The following MLX variants were observed in gnomAD, a reference collection of about 807,000 sequenced individuals.
The protein encoded by MLX is MAX dimerization protein MLX.
MLX carries 15 observed loss-of-function variants against 33.0 expected under a neutral mutation model. That is an observed-to-expected ratio of 0.45 (90% CI 0.30 to 0.70). The LOEUF (loss-of-function observed/expected upper bound fraction) is 0.70, where lower values mean the gene tolerates loss of function less well. Ranked by LOEUF, MLX falls within the 30% of genes least tolerant of loss-of-function variation. MLX has a pLI of 0.07. For missense variants in MLX, 285 were observed against 306.3 expected (o/e 0.93, Z 0.52); for synonymous variants, 115 against 115.6 (o/e 0.99, Z 0.03).
At position 42,567,858 on chromosome 17, in the gene MLX, G is replaced by A. The variant is rs1050818717; in HGVS notation, c.79+203G>A. On this transcript the variant is annotated intron_variant, in intron 2 of 7. Coordinates refer to ENST00000435881, the MANE Select transcript of MLX (RefSeq NM_198204.2). ...CCCTCTGCTCTGGAACAGGGAAGTG[G>A]TGGAACTGATCACTCACCACTCAGT... is the stretch of plus-strand genomic sequence containing the variant. 1.2e-5 allele frequency: 8 copies of A among 643,312 alleles called. No individual in the cohort carries two copies. In the African/African-American group the frequency reaches 1.5e-4, roughly 12 times the overall value. 39.9% of individuals were successfully genotyped at this position (643,312 alleles called of 1,614,324 possible).
Position 42,569,197 on chromosome 17 carries a change from T to A in MLX, c.277-7T>A. 1 of 1,613,444 alleles carries A rather than the reference T, an allele frequency of 6.2e-7. No homozygotes were observed. The highest frequency in any genetic ancestry group is 8.5e-7 in the Non-Finnish European group (1 of 1,179,530). On this transcript the variant is annotated splice_region_variant and splice_polypyrimidine_tract_variant and intron_variant, in intron 4 of 7. Transcript: ENST00000435881. ...TAAAGAACCCATTTCCCCTGCTGTT[T>A]CCACAGAGAGGCTATGATGACCTTC...
chr17:42,572,075 G>GC lies in MLX; in HGVS notation c.*472_*473insC, dbSNP rs2093035906. The GC allele has an allele frequency of 3.9e-6, 1 of 259,466 alleles. No individual in the cohort carries two copies. The highest frequency in any genetic ancestry group is 2.3e-5 in the African/African-American group (1 of 43,988). The allele number at this position is 259,466 out of a possible 1,614,324, so 16.1% of individuals were successfully genotyped here. ...GCTGTATGGGAGAAAAAGAGTAAGAGGAAATATTCCCACAGCCATGAAGGG... is the reference window on the plus strand; with the variant it reads ...GCTGTATGGGAGAAAAAGAGTAAGAGCGAAATATTCCCACAGCCATGAAGGG... On this transcript the variant is annotated 3_prime_UTR_variant, in exon 8 of 8. Coordinates refer to ENST00000435881, the MANE Select transcript of MLX (RefSeq NM_198204.2).
chr17:42,568,841 T>A lies in MLX; in HGVS notation c.174T>A (p.Asp58Glu). ...TSASSVPNTD[D>E]EDSDYHQEAY... ...TGCCCCCATCTCTGAGCGTAGATGA[T>A]GAGGACAGTGATTACCACCAGGAGG... Residue 58 changes from aspartate (D) to glutamate (E), a missense_variant, in exon 4 of 8, where the codon GAT becomes GAA. Transcript: ENST00000435881. The A allele has an allele frequency of 6.2e-7, 1 of 1,607,148 alleles. No individual in the cohort carries two copies. The highest frequency in any genetic ancestry group is 8.5e-7 in the Non-Finnish European group (1 of 1,176,420).
chr17:42,569,273 A>G lies in MLX; in HGVS notation c.346A>G (p.Lys116Glu). The G allele has an allele frequency of 6.2e-7, 1 of 1,614,162 alleles. No individual in the cohort carries two copies. The highest frequency in any genetic ancestry group is 8.5e-7 in the Non-Finnish European group (1 of 1,180,018). ...GCAGGACTTCTCCATTGGCTCCCAA[A>G]AGCTCAGCAAAGCCATCGTTCTACA... is the stretch of plus-strand genomic sequence containing the variant. ...QQQDFSIGSQ[K>E]LSKAIVLQKT... Residue 116 changes from lysine (K) to glutamate (E), a missense_variant, in exon 5 of 8, where the codon AAG (lysine) becomes GAG (glutamate). Transcript: ENST00000435881.
chr17:42,567,566 C>T (rs1018493495), intron 1 of MLX, 53 bp from the exon 2 acceptor site: 1 of 1,610,766 alleles, frequency 6.2e-7, no homozygotes, highest in Non-Finnish European at 8.5e-7. Context: ...GGAAGGGGCG[C>T]CTCCCCCTAG....
At chr17:42,569,892 C>A in intron 6 of MLX, 90 bp from the exon 7 acceptor site, 1 of 1,273,964 alleles carries the variant, frequency 7.8e-7, no homozygotes, top group South Asian at 1.2e-5. Context: ...CTGGGGCTGC[C>A]ATTCCTGGGA....
intron 7 of MLX, 79 bp from the exon 8 acceptor site, chr17:42,571,468 C>A: frequency 1.4e-6 from 2 of 1,470,342 alleles, no homozygotes; most frequent in Non-Finnish European, 1.9e-6. Flanking sequence ...AAGTACATGG[C>A]TGATCTAGGC....
Position 42,571,648 on chromosome 17 carries a change from A to T in MLX, c.*45A>T. The T allele has an allele frequency of 6.3e-7, 1 of 1,588,806 alleles. No individual in the cohort carries two copies. Among genetic ancestry groups the T allele is most frequent in the South Asian group, 1.1e-5 (1 of 90,528 alleles). ...AGAACAGCCAACAAGAGGCCCTTGA[A>T]TCTCTACGTGGCCACTGAACTGCTG... On this transcript the variant is annotated 3_prime_UTR_variant, in exon 8 of 8. Transcript: ENST00000435881.
chr17:42,571,474 T>C (rs947665800), intron 7 of MLX, 73 bp from the exon 8 acceptor site: 40 of 1,503,436 alleles, frequency 2.7e-5, no homozygotes, highest in Non-Finnish European at 3.6e-5. Flanking sequence ...ATGGCTGATC[T>C]AGGCAGGCAT....
At position 42,569,669 on chromosome 17, in the gene MLX, C is replaced by T. The variant is rs1003302885; in HGVS notation, c.476+63C>T. 5 of 1,301,070 alleles carry T rather than the reference C, an allele frequency of 3.8e-6. No homozygotes were observed. In the African/African-American group the frequency reaches 5.8e-5, roughly 15 times the overall value. 80.6% of individuals were successfully genotyped at this position (1,301,070 alleles called of 1,614,324 possible). A position where few individuals can be genotyped will look rare whatever the true frequency, so the allele number is the denominator to read the frequency against. On this transcript the variant is annotated intron_variant, in intron 6 of 7. Transcript: ENST00000435881. ...GAGGCAACTTCATTGCACACCCTCC[C>T]TTGTTCAAAGGCCACATCAGTTACT...
chr17:42,571,421 C>G, intron 7 of MLX, 126 bp from the exon 8 acceptor site: 2 of 1,016,376 alleles, frequency 2.0e-6, no homozygotes, highest in Non-Finnish European at 3.1e-6. Context: ...GCCACCACAC[C>G]TGGCCCCCGG....
chr17:42,572,950 G>A lies in MLX; in HGVS notation c.*1347G>A. The A allele has an allele frequency of 6.2e-7, 1 of 1,613,526 alleles. No homozygotes were observed. Among genetic ancestry groups the A allele is most frequent in the South Asian group, 1.1e-5 (1 of 91,062 alleles). On this transcript the variant is annotated 3_prime_UTR_variant, in exon 8 of 8. Coordinates refer to ENST00000435881, the MANE Select transcript of MLX (RefSeq NM_198204.2). ...TTCTGACATCCTGCAGTCCCCACCAGTCCTGACCGTGGGCCCCTCAGGGGT... is the reference window on the plus strand; with the variant it reads ...TTCTGACATCCTGCAGTCCCCACCAATCCTGACCGTGGGCCCCTCAGGGGT...
Position 42,568,481 on chromosome 17 carries a change from G to A in MLX, c.91G>A (p.Glu31Lys). 6.2e-7 allele frequency: 1 copy of A among 1,613,762 alleles called. No homozygotes were observed. The highest frequency in any genetic ancestry group is 8.5e-7 in the Non-Finnish European group (1 of 1,179,784). The change falls in exon 3 of 8, where the codon GAA becomes AAA. Residue 31 changes from glutamate (E) to lysine (K), a missense_variant. Physicochemically the swap from Glu to Lys is moderately conservative, Grantham distance 56. Coordinates refer to ENST00000435881, the MANE Select transcript of MLX (RefSeq NM_198204.2). ...DNSLDPGLFVESTRKGSVVSR... is the reference protein window; with the variant it reads ...DNSLDPGLFVKSTRKGSVVSR... ...CCTCTCTTTTCCAGGGCTTTTTGTA[G>A]AAAGCACCCGCAAGGGGAGTGTAGT...
At chr17:42,569,138 A>G in intron 4 of MLX, 66 bp from the exon 5 acceptor site, 1 of 1,475,304 alleles carries the variant, frequency 6.8e-7, no homozygotes. Context: ...GTCATGGAGG[A>G]ACTTTGTGCC....
At chr17:42,567,935 C>CACATACCCA in intron 2 of MLX, 3 of 543,378 alleles carry the variant, frequency 5.5e-6, no homozygotes, top group Non-Finnish European at 9.9e-6. Context: ...CGTTTGTGAG[C>CACATACCCA]CAGGGGGGTA....
chr17:42,567,654 C>T lies in MLX; in HGVS notation c.78C>T (p.Pro26=), dbSNP rs1434609285. ...EYAYSDNSLD[P]GLFVESTRKG... is the part of the protein sequence containing the mutation. ...CCTACAGCGACAACAGCCTGGACCC[C>T]GGTGAGTAGCTGCCCCATCTTAAGC... The change falls in exon 2 of 8, where the codon CCC becomes CCT. Residue 26 remains proline (P), a splice_region_variant and synonymous_variant. Transcript: ENST00000435881. 3 of 1,613,998 alleles carry T rather than the reference C, an allele frequency of 1.9e-6. No homozygotes were observed. Among genetic ancestry groups the T allele is most frequent in the Non-Finnish European group, 2.5e-6 (3 of 1,180,008 alleles).
intron 5 of MLX, 60 bp from the exon 6 acceptor site, chr17:42,569,447 C>T (rs1412747872): frequency 3.3e-6 from 5 of 1,534,266 alleles, no homozygotes; most frequent in African/African-American, 2.7e-5. Context: ...CAAAGTCAGC[C>T]TTATCTTCTT....
intron 3 of MLX, 62 bp downstream of exon 3, chr17:42,568,621 T>A: frequency 6.8e-7 from 1 of 1,473,128 alleles, no homozygotes; most frequent in Non-Finnish European, 9.5e-7. Flanking sequence ...GTAGTACCTT[T>A]CCTAGACAGG....
At chr17:42,567,451 G>A (rs926919065) in intron 1 of MLX, 168 bp from the exon 2 acceptor site, 1 of 1,394,794 alleles carries the variant, frequency 7.2e-7, no homozygotes, top group African/African-American at 1.4e-5. Flanking sequence ...CCAGTCTCGG[G>A]GGACTCATTA....
Sources: gnomAD v4.1 joint callset for allele counts on GRCh38, gnomAD v4.1.1 for gene constraint, MANE v1.5 for transcripts, NCBI Gene and HGNC (gene_info 2026-07-23, HGNC 2026-07-21) for gene names.